ZCCHC7: variants seen among roughly 807,000 people sequenced by gnomAD.
The protein encoded by ZCCHC7 is zinc finger CCHC domain-containing protein 7.
ZCCHC7 carries 35 observed loss-of-function variants against 52.0 expected under a neutral mutation model. That is an observed-to-expected ratio of 0.67 (90% confidence interval 0.51 to 0.89). ZCCHC7 has a LOEUF of 0.89. Ranked by LOEUF, ZCCHC7 falls within the 40% of genes least tolerant of loss-of-function variation. The probability of loss-of-function intolerance (pLI) is 0.00; values close to 1 mark genes in which losing one functional copy is unlikely to be tolerated. For synonymous variants in ZCCHC7, 217 were observed against 221.5 expected (o/e 0.98, Z 0.18); for missense variants, 574 against 649.1 (o/e 0.88, Z 1.26).
intron 2 of ZCCHC7, among the ~76,000 whole-genome samples, chr9:37,168,541 G>T (rs138982471): frequency 6.6e-6 from 1 of 152,096 alleles, no homozygotes; most frequent in Non-Finnish European, 1.5e-5. Context: ...TTACATTTAC[G>T]ATCTCATATT....
chr9:37,135,328 A>T (rs1842953872), intron 2 of ZCCHC7, among the ~76,000 whole-genome samples: 1 of 152,252 alleles, frequency 6.6e-6, no homozygotes, highest in African/African-American at 2.4e-5. Flanking sequence ...TTCCACTTTC[A>T]GAAGAAATAA....
chr9:37,302,233 T>A lies in ZCCHC7; in HGVS notation c.654+2T>A, dbSNP rs2133695539. The stretch of plus-strand genomic sequence containing the variant: ...TCCATCAGTGACAAAGACATTGAGG[T>A]AAAATCAAATTGTTTTTAAAATTCA... On this transcript the variant is annotated splice_donor_variant, in intron 3 of 8. Transcript: ENST00000336755. LOFTEE classifies it high-confidence loss of function. 1 of 1,601,076 alleles carries A rather than the reference T, an allele frequency of 6.2e-7. No individual in the cohort carries two copies. The highest frequency in any genetic ancestry group is 1.1e-5 in the South Asian group (1 of 89,934).
At chr9:37,213,481 A>G (rs548881910) in intron 2 of ZCCHC7, among the ~76,000 whole-genome samples, 1 of 152,302 alleles carries the variant, frequency 6.6e-6, no homozygotes, top group South Asian at 2.1e-4. Context: ...TAGTTGCTTT[A>G]TTGATACAGG....
At chr9:37,231,731 C>T (rs141845468) in intron 2 of ZCCHC7, among the ~76,000 whole-genome samples, 2 of 152,220 alleles carry the variant, frequency 1.3e-5, no homozygotes, top group African/African-American at 4.8e-5. Flanking sequence ...ACTGAGCAGA[C>T]TCTCAATACT....
intron 2 of ZCCHC7, among the ~76,000 whole-genome samples, chr9:37,171,246 T>G (rs1821711117): frequency 6.6e-6 from 1 of 152,134 alleles, no homozygotes; most frequent in South Asian, 2.1e-4. Context: ...TGTGTAGTTG[T>G]TAGAAGTGGG....
At chr9:37,210,533 T>C (rs1340991882) in intron 2 of ZCCHC7, among the ~76,000 whole-genome samples, 1 of 152,202 alleles carries the variant, frequency 6.6e-6, no homozygotes, top group African/African-American at 2.4e-5. Flanking sequence ...ACAAGGTTTA[T>C]TTCATTTGTT....
At chr9:37,275,285 A>G (rs1385255336) in intron 2 of ZCCHC7, among the ~76,000 whole-genome samples, 1 of 146,838 alleles carries the variant, frequency 6.8e-6, no homozygotes, top group Non-Finnish European at 1.5e-5. Flanking sequence ...TTTGTCACTG[A>G]TAACTTCTCC....
At chr9:37,301,915 A>G (rs1005790723) in intron 2 of ZCCHC7, among the ~76,000 whole-genome samples, 14 of 152,104 alleles carry the variant, frequency 9.2e-5, no homozygotes, top group African/African-American at 3.4e-4. Context: ...GTATTTTCAC[A>G]TACCTCATTT....
At chr9:37,134,396 TA>T (rs1435214133) in intron 2 of ZCCHC7, among the ~76,000 whole-genome samples, 1 of 152,248 alleles carries the variant, frequency 6.6e-6, no homozygotes, top group East Asian at 1.9e-4. Flanking sequence ...GAAGCTTGAT[TA>T]AATTCAGATT....
intron 2 of ZCCHC7, among the ~76,000 whole-genome samples, chr9:37,254,079 T>C (rs1483269780): frequency 2.0e-5 from 3 of 151,998 alleles, no homozygotes; most frequent in Non-Finnish European, 4.4e-5. Context: ...GCAAAACCCA[T>C]TAATGATGGT....
At chr9:37,291,821 G>A (rs1182082634) in intron 2 of ZCCHC7, among the ~76,000 whole-genome samples, 1 of 152,098 alleles carries the variant, frequency 6.6e-6, no homozygotes, top group Admixed American at 6.5e-5. Context: ...AGCCTCCCGA[G>A]TAGCTAGGAT....
At chr9:37,162,402 C>T (rs972750672) in intron 2 of ZCCHC7, among the ~76,000 whole-genome samples, 1 of 152,082 alleles carries the variant, frequency 6.6e-6, no homozygotes, top group Admixed American at 6.6e-5. Context: ...CCCTTCATAC[C>T]GTCCATCCCC....
In ZCCHC7 at chr9:37,306,546, A is replaced by G. The variant is rs140160279; in HGVS notation, c.951+832A>G. Among the ~76,000 whole-genome samples, 493 of 149,732 alleles carry G rather than the reference A, an allele frequency of 3.3e-3. 1 individual carries two copies. The highest frequency in any genetic ancestry group is 0.011 in the African/African-American group (466 of 40,692). ...AGTGGCGTGATCTCAGCTAACTGCA[A>G]CCTCCAACTCCTGGGTTCAAGCGAT... is the stretch of plus-strand genomic sequence containing the variant. On this transcript the variant is annotated intron_variant, in intron 5 of 8. Transcript: ENST00000336755.
chr9:37,187,410 G>T lies in ZCCHC7; in HGVS notation c.610+60468G>T, dbSNP rs139972429. The stretch of plus-strand genomic sequence containing the variant: ...GTTCATGCTCCTATGAGAATCTAAT[G>T]CAGCAGCTGATTTGACAGGAGGCGG... On this transcript the variant is annotated intron_variant, in intron 2 of 8. Coordinates refer to ENST00000336755, the MANE Select transcript of ZCCHC7 (RefSeq NM_032226.3). Among the ~76,000 whole-genome samples, 177 of 152,310 alleles carry T rather than the reference G, an allele frequency of 1.2e-3. 1 individual carries two copies. The highest frequency in any genetic ancestry group is 3.9e-3 in the African/African-American group (163 of 41,576).
intron 2 of ZCCHC7, among the ~76,000 whole-genome samples, chr9:37,164,576 GAGAA>G (rs1157306915): frequency 1.3e-5 from 2 of 151,962 alleles, no homozygotes; most frequent in South Asian, 2.1e-4. Flanking sequence ...AAAGAGAGAA[GAGAA>G]AGAAAAGAAA....
chr9:37,337,832 C>T (rs994936719), intron 6 of ZCCHC7, among the ~76,000 whole-genome samples: 24 of 152,086 alleles, frequency 1.6e-4, no homozygotes, highest in Middle Eastern at 3.4e-3. Context: ...TAAATTTGTG[C>T]GTTTGTGTCA....
intron 2 of ZCCHC7, among the ~76,000 whole-genome samples, chr9:37,228,668 C>T (rs1471730467): frequency 6.6e-6 from 1 of 151,444 alleles, no homozygotes; most frequent in Non-Finnish European, 1.5e-5. Context: ...TGTTTCTGGC[C>T]TGATTTTTAA....
intron 2 of ZCCHC7, among the ~76,000 whole-genome samples, chr9:37,144,084 G>T (rs190719486): frequency 8.9e-4 from 135 of 151,860 alleles, no homozygotes; most frequent in Non-Finnish European, 1.7e-3. Context: ...ACTTTAAATT[G>T]AAAGAACTTA....
At chr9:37,199,674 C>G (rs1179110221) in intron 2 of ZCCHC7, among the ~76,000 whole-genome samples, 4,637 of 68,490 alleles carry the variant, frequency 0.068, 230 homozygotes, top group African/African-American at 0.24. Context: ...CTGTCTTTCT[C>G]TCTGTCTGTC....
Sources: gnomAD v4.1 joint callset for allele counts (sites outside exome capture counted in the v4.1 genomes callset) on GRCh38, gnomAD v4.1.1 for gene constraint, MANE v1.5 for transcripts, NCBI Gene and HGNC (gene_info 2026-07-23, HGNC 2026-07-21) for gene names.